Variants in SHANK2 observed in about 807,000 individuals in gnomAD.
SHANK2 encodes the protein SH3 and multiple ankyrin repeat domains 2.
In SHANK2, 43 loss-of-function variants were observed where a neutral mutation model predicts 133.7. The ratio of observed to expected loss-of-function variants is 0.32; its 90% CI spans 0.25 to 0.41. The LOEUF (loss-of-function observed/expected upper bound fraction) is 0.41, where lower values mean the gene tolerates loss of function less well. SHANK2 is among the 10% of genes least tolerant of loss of function. The pLI is 1.00. For missense variants in SHANK2, 1,994 were observed against 2,235.8 expected, an observed-to-expected ratio of 0.89 and a Z score of 2.18; for synonymous variants, 1,017 against 952.8, an observed-to-expected ratio of 1.07 and a Z score of -1.24.
At chr11:70,711,668 G>A (rs568107753) in intron 14 of SHANK2, among the ~76,000 whole-genome samples, 4 of 152,200 alleles carry the variant, frequency 2.6e-5, no homozygotes, top group East Asian at 3.9e-4. Context: ...GACCCACCGC[G>A]AGGGGGACAG....
chr11:70,844,488 G>A (rs1460434220), intron 11 of SHANK2, among the ~76,000 whole-genome samples: 1 of 152,158 alleles, frequency 6.6e-6, no homozygotes, highest in African/African-American at 2.4e-5. Flanking sequence ...GAACCATGGG[G>A]TTTGGGGCCG....
Position 70,666,923 on chromosome 11 carries a change from G to A in SHANK2, c.1854-5245C>T, listed in dbSNP as rs144686355. 2.4e-3 allele frequency among the ~76,000 whole-genome samples: 362 copies of A among 152,162 alleles called. 4 individuals are homozygous for A. The highest frequency in any genetic ancestry group is 3.1e-3 in the South Asian group (15 of 4,822). ...CAAATGTTTTCTGAGCTAGGTGGAA[G>A]GGCACTTTGACATGCCCCAAATGTA... On this transcript the variant is annotated intron_variant, in intron 15 of 25. Transcript: ENST00000601538.
At chr11:70,526,403 C>T (rs1400784954) in intron 17 of SHANK2, among the ~76,000 whole-genome samples, 1 of 152,220 alleles carries the variant, frequency 6.6e-6, no homozygotes, top group East Asian at 1.9e-4. Context: ...AGAGGCTGCA[C>T]TGAGCCCCTT....
In SHANK2 at chr11:71,059,623, G is replaced by A. The variant is rs936380679; in HGVS notation, c.1030-3065C>T. The stretch of plus-strand genomic sequence containing the variant: ...GGAGCACACTGAGCTCTCAGGATCC[G>A]GCTGATTTCAGGGTGGGGAGCCCAC... On this transcript the variant is annotated intron_variant, in intron 9 of 25. Transcript: ENST00000601538. Among the ~76,000 whole-genome samples, 119 of 152,324 alleles carry A rather than the reference G, an allele frequency of 7.8e-4. 2 individuals are homozygous for A. Among genetic ancestry groups the A allele is most frequent in the Admixed American group, 2.7e-3 (42 of 15,304 alleles).
intron 3 of SHANK2, among the ~76,000 whole-genome samples, chr11:71,146,868 T>G (rs1361532667): frequency 1.3e-5 from 2 of 151,958 alleles, no homozygotes; most frequent in African/African-American, 2.4e-5. Context: ...AGGTGCCCAG[T>G]CAATGTTTGT....
intron 14 of SHANK2, among the ~76,000 whole-genome samples, chr11:70,709,946 G>T (rs892619240): frequency 3.3e-5 from 5 of 152,138 alleles, no homozygotes; most frequent in African/African-American, 4.8e-5. Context: ...GACGGAGGGG[G>T]ACAGGTGGTG....
intron 17 of SHANK2, among the ~76,000 whole-genome samples, chr11:70,640,212 T>C (rs1029895676): frequency 6.6e-6 from 1 of 152,196 alleles, no homozygotes; most frequent in Non-Finnish European, 1.5e-5. Flanking sequence ...GTTAAGGACC[T>C]TGAGATGAGA....
intron 2 of SHANK2, among the ~76,000 whole-genome samples, chr11:71,172,597 C>A (rs368582044): frequency 9.5e-3 from 1,016 of 106,676 alleles, no homozygotes; most frequent in African/African-American, 0.013. Flanking sequence ...GACTCTGTCT[C>A]AAAAAAAAAA....
At chr11:70,949,856 G>A (rs555798877) in intron 10 of SHANK2, among the ~76,000 whole-genome samples, 7 of 152,336 alleles carry the variant, frequency 4.6e-5, no homozygotes, top group South Asian at 2.1e-4. Flanking sequence ...CCACCTGCGC[G>A]TCTTAGTGAG....
At chr11:70,852,115 C>T (rs936004430) in intron 11 of SHANK2, among the ~76,000 whole-genome samples, 2 of 152,158 alleles carry the variant, frequency 1.3e-5, no homozygotes, top group East Asian at 1.9e-4. Flanking sequence ...CGGGGAGGAG[C>T]GTGGGCAGGG....
chr11:71,090,538 C>CTGTG (rs1491562406), intron 8 of SHANK2, among the ~76,000 whole-genome samples: 1 of 4,632 alleles, frequency 2.2e-4, no homozygotes, highest in Non-Finnish European at 4.1e-4. Context: ...GAAACACAAC[C>CTGTG]TCTGTGTGTG....
chr11:71,174,078 C>T (rs771496950), intron 2 of SHANK2, among the ~76,000 whole-genome samples: 2 of 152,212 alleles, frequency 1.3e-5, no homozygotes, highest in Non-Finnish European at 2.9e-5. Context: ...ATGGAAGTGG[C>T]ACCATTAAAA....
At chr11:70,904,861 C>T (rs927561486) in intron 10 of SHANK2, among the ~76,000 whole-genome samples, 11 of 152,162 alleles carry the variant, frequency 7.2e-5, no homozygotes, top group East Asian at 3.9e-4. Flanking sequence ...CTTTGCCTGC[C>T]GCCATCCATG....
chr11:71,197,248 C>T (rs142807446), intron 2 of SHANK2, among the ~76,000 whole-genome samples: 1 of 152,094 alleles, frequency 6.6e-6, no homozygotes, highest in Non-Finnish European at 1.5e-5. Context: ...TTCCTTCCCC[C>T]CAGTGTCCGG....
At chr11:70,478,477 C>T (rs2058692308) in intron 25 of SHANK2, among the ~76,000 whole-genome samples, 1 of 152,192 alleles carries the variant, frequency 6.6e-6, no homozygotes, top group Admixed American at 6.5e-5. Flanking sequence ...TGATGAGCCC[C>T]CATCTTGCAT....
intron 17 of SHANK2, among the ~76,000 whole-genome samples, chr11:70,585,603 T>G (rs2060238387): frequency 6.6e-6 from 1 of 151,412 alleles, no homozygotes; most frequent in African/African-American, 2.4e-5. Context: ...ATCCATGTAT[T>G]CACCCATCCA....
intron 17 of SHANK2, among the ~76,000 whole-genome samples, chr11:70,602,908 G>A (rs1309655011): frequency 1.3e-5 from 2 of 152,220 alleles, no homozygotes; most frequent in Non-Finnish European, 2.9e-5. Flanking sequence ...ATATGATAGA[G>A]TCCTACACAG....
At chr11:70,872,543 T>C (rs1949485643) in intron 11 of SHANK2, among the ~76,000 whole-genome samples, 1 of 151,834 alleles carries the variant, frequency 6.6e-6, no homozygotes, top group African/African-American at 2.4e-5. Context: ...ACCAAGTGGC[T>C]GGATGGAGGG....
intron 17 of SHANK2, among the ~76,000 whole-genome samples, chr11:70,575,141 G>C (rs2060099796): frequency 6.6e-6 from 1 of 152,142 alleles, no homozygotes; most frequent in Admixed American, 6.6e-5. Flanking sequence ...ATCACACTGA[G>C]TGGGAAGGAC....
Sources: gnomAD v4.1 joint callset for allele counts (sites outside exome capture counted in the v4.1 genomes callset) on GRCh38, gnomAD v4.1.1 for gene constraint, MANE v1.5 for transcripts, NCBI Gene and HGNC (gene_info 2026-07-23, HGNC 2026-07-21) for gene names.